Variants in TAS2R1 observed in about 807,000 individuals in gnomAD.
TAS2R1 encodes the protein taste receptor type 2 member 1.
For missense variants in TAS2R1, 370 were observed against 353.4 expected, an observed-to-expected ratio of 1.05 and a Z score of -0.38; for synonymous variants, 141 against 134.2, an observed-to-expected ratio of 1.05 and a Z score of -0.35.
At chr5:9,680,828 G>C (rs948485707) in intron 1 of TAS2R1, among the ~76,000 whole-genome samples, 1 of 152,024 alleles carries the variant, frequency 6.6e-6, no homozygotes, top group Non-Finnish European at 1.5e-5. Context: ...CAAGGTGGGC[G>C]GATCACTTGA....
the TAS2R1 span, among the ~76,000 whole-genome samples, chr5:9,754,476 C>T: frequency 0.027 from 4,128 of 152,242 alleles, 58 homozygotes; most frequent in Non-Finnish European, 0.033. Context: ...TGTTTGCAGA[C>T]GACATGATTG....
At chr5:9,893,138 G>A in the TAS2R1 span, among the ~76,000 whole-genome samples, 1 of 151,866 alleles carries the variant, frequency 6.6e-6, no homozygotes, top group Non-Finnish European at 1.5e-5. Flanking sequence ...AGGGCTCAGG[G>A]AATCTTTGCA....
intron 1 of TAS2R1, among the ~76,000 whole-genome samples, chr5:9,709,420 C>T (rs984348815): frequency 6.6e-6 from 1 of 152,180 alleles, no homozygotes; most frequent in African/African-American, 2.4e-5. Context: ...CATACCAATG[C>T]TACTCCAGTA....
chr5:9,884,430 T>A, the TAS2R1 span, among the ~76,000 whole-genome samples: 1 of 143,958 alleles, frequency 6.9e-6, no homozygotes, highest in East Asian at 2.1e-4. Context: ...GTGGAGATCG[T>A]GCCACTGTAC....
At chr5:9,848,519 T>C in the TAS2R1 span, among the ~76,000 whole-genome samples, 1 of 152,160 alleles carries the variant, frequency 6.6e-6, no homozygotes, top group East Asian at 1.9e-4. Flanking sequence ...TGGTCATCTA[T>C]TGTACAGCAG....
At chr5:9,710,818 C>A (rs936900887) in intron 1 of TAS2R1, among the ~76,000 whole-genome samples, 4 of 150,216 alleles carry the variant, frequency 2.7e-5, no homozygotes, top group Non-Finnish European at 5.9e-5. Flanking sequence ...TAAGGCAATG[C>A]AAATCAAAAC....
chr5:9,683,596 G>A (rs960646687), intron 1 of TAS2R1, among the ~76,000 whole-genome samples: 18 of 152,188 alleles, frequency 1.2e-4, no homozygotes, highest in African/African-American at 3.6e-4. Context: ...TAGCATGCAT[G>A]GCCATACACC....
At chr5:9,738,533 G>A in the TAS2R1 span, among the ~76,000 whole-genome samples, 1 of 152,104 alleles carries the variant, frequency 6.6e-6, no homozygotes, top group African/African-American at 2.4e-5. Flanking sequence ...TCTGATAGGG[G>A]TACGGTTTCT....
chr5:9,669,073 G>A (rs1469763567), intron 1 of TAS2R1, among the ~76,000 whole-genome samples: 1 of 152,024 alleles, frequency 6.6e-6, no homozygotes, highest in African/African-American at 2.4e-5. Context: ...AGAAACACTG[G>A]CAAAGCAAAT....
At chr5:9,881,511 A>C in the TAS2R1 span, among the ~76,000 whole-genome samples, 1 of 152,206 alleles carries the variant, frequency 6.6e-6, no homozygotes, top group African/African-American at 2.4e-5. Flanking sequence ...AAAACTACTT[A>C]AAAGTTAATA....
At chr5:9,706,971 A>G (rs1051483901) in intron 1 of TAS2R1, among the ~76,000 whole-genome samples, 9 of 152,056 alleles carry the variant, frequency 5.9e-5, no homozygotes, top group African/African-American at 1.9e-4. Context: ...ATTTCTCTCT[A>G]TCCCAAAGCG....
the TAS2R1 span, among the ~76,000 whole-genome samples, chr5:9,725,514 C>T: frequency 3.3e-5 from 5 of 152,182 alleles, no homozygotes; most frequent in Non-Finnish European, 7.4e-5. Context: ...GGCCTACCGG[C>T]GCTGCGCTCG....
upstream of TAS2R1, among the ~76,000 whole-genome samples, chr5:9,715,229 G>T (rs1368470330): frequency 2.0e-5 from 3 of 152,230 alleles, no homozygotes; most frequent in Non-Finnish European, 1.5e-5. Context: ...TATGGAAGCA[G>T]AGACTGCTGC....
At chr5:9,738,171 A>AAAAGG in the TAS2R1 span, among the ~76,000 whole-genome samples, 8 of 152,288 alleles carry the variant, frequency 5.3e-5, no homozygotes, top group Non-Finnish European at 1.0e-4. Flanking sequence ...TTCAGGATAA[A>AAAAGG]CTAGCACATT....
the TAS2R1 span, among the ~76,000 whole-genome samples, chr5:9,724,776 T>C: frequency 6.6e-6 from 1 of 152,218 alleles, no homozygotes; most frequent in Non-Finnish European, 1.5e-5. Flanking sequence ...GTGTACCCAC[T>C]TGGCTGGACA....
At chr5:9,724,702 T>G in the TAS2R1 span, among the ~76,000 whole-genome samples, 1 of 152,296 alleles carries the variant, frequency 6.6e-6, no homozygotes, top group East Asian at 1.9e-4. Flanking sequence ...TCAACAAATA[T>G]GAGTTTTCCT....
At chr5:9,683,223 C>T (rs567406669) in intron 1 of TAS2R1, among the ~76,000 whole-genome samples, 1 of 151,840 alleles carries the variant, frequency 6.6e-6, no homozygotes, top group African/African-American at 2.4e-5. Context: ...GCTTAATAAT[C>T]TCATATGTAT....
At position 9,630,041 on chromosome 5, in the gene TAS2R1, T is replaced by TA. The variant is rs1168125128; in HGVS notation, c.-10dup. On this transcript the variant is annotated 5_prime_UTR_variant, in exon 1 of 1. Transcript: ENST00000382492. ...AGGTGAGACTCTAGCATTTTAGGAA[T>TA]AAAAAATTATTTACTTAAAAAATAA... 6 of 1,538,568 alleles carry TA rather than the reference T, an allele frequency of 3.9e-6. No homozygotes were observed. Among genetic ancestry groups the TA allele is most frequent in the Non-Finnish European group, 5.2e-6 (6 of 1,147,462 alleles).
chr5:9,717,982 A>G, the TAS2R1 span, among the ~76,000 whole-genome samples: 1 of 152,170 alleles, frequency 6.6e-6, no homozygotes, highest in African/African-American at 2.4e-5. Flanking sequence ...TTTATTTTAG[A>G]TGGAGTCTCA....
Sources: allele counts gnomAD v4.1 joint callset (sites outside exome capture counted in the v4.1 genomes callset), GRCh38; gene constraint gnomAD v4.1.1; transcripts MANE v1.5; gene names NCBI Gene and HGNC (gene_info 2026-07-23, HGNC 2026-07-21).